Variants in MED31 observed in about 807,000 individuals in gnomAD.
The protein encoded by MED31 is mediator complex subunit 31.
A neutral mutation model predicts 22.0 loss-of-function variants in MED31; 11 were observed. That is an observed-to-expected ratio of 0.50 (90% CI 0.31 to 0.83). The LOEUF (loss-of-function observed/expected upper bound fraction) is 0.83, where lower values mean the gene tolerates loss of function less well. MED31 is among the 40% of genes least tolerant of loss of function. The pLI is 0.04. For missense variants in MED31, 122 were observed against 155.3 expected (o/e 0.79, Z 1.14); for synonymous variants, 60 against 55.1 (o/e 1.09, Z -0.40).
chr17:6,646,024 A>T (rs1295933746), intron 3 of MED31, among the ~76,000 whole-genome samples: 1 of 152,232 alleles, frequency 6.6e-6, no homozygotes, highest in Admixed American at 6.5e-5. Context: ...GTGACTGCAG[A>T]TATATGAAGG....
intron 3 of MED31, among the ~76,000 whole-genome samples, chr17:6,648,171 A>G (rs988188208): frequency 4.6e-5 from 7 of 152,216 alleles, no homozygotes; most frequent in African/African-American, 1.7e-4. Context: ...GAGGTGTATG[A>G]CCACATGAAG....
chr17:6,645,340 CACAT>C (rs760609766), intron 3 of MED31, among the ~76,000 whole-genome samples: 4 of 152,152 alleles, frequency 2.6e-5, no homozygotes, highest in Non-Finnish European at 5.9e-5. Context: ...TGCATGTATA[CACAT>C]ACATACATAT....
intron 3 of MED31, among the ~76,000 whole-genome samples, chr17:6,649,140 T>C (rs1314793497): frequency 6.6e-6 from 1 of 151,888 alleles, no homozygotes; most frequent in African/African-American, 2.4e-5. Context: ...TTTTTTTTTT[T>C]TAAAGGTTCA....
Position 6,650,017 on chromosome 17 carries a change from A to T in MED31, c.168T>A (p.Leu56=). 1 of 1,605,404 alleles carries T rather than the reference A, an allele frequency of 6.2e-7. No homozygotes were observed. Among genetic ancestry groups the T allele is most frequent in the Non-Finnish European group, 8.5e-7 (1 of 1,177,958 alleles). The change falls in exon 3 of 4, where the codon CTT becomes CTA. Residue 56 remains leucine (L), a synonymous_variant. Coordinates refer to ENST00000225728, the MANE Select transcript of MED31 (RefSeq NM_016060.3). ...TGGCATATTCTGGGTCTTTCCAGTA[A>T]AGCAAGTATTTAAGATAATTAACAA... ...KAFVNYLKYL[L]YWKDPEYAKY...
intron 3 of MED31, among the ~76,000 whole-genome samples, chr17:6,647,321 C>T (rs922785601): frequency 3.9e-5 from 6 of 152,192 alleles, no homozygotes; most frequent in African/African-American, 1.4e-4. Flanking sequence ...CTCCACCTGA[C>T]GAGAAATACC....
chr17:6,648,981 G>T (rs1159190355), intron 3 of MED31, among the ~76,000 whole-genome samples: 1 of 152,170 alleles, frequency 6.6e-6, no homozygotes, highest in South Asian at 2.1e-4. Flanking sequence ...TTAAAAGTCT[G>T]TTCTTTGGAT....
At chr17:6,650,861 G>A (rs758901065) in intron 1 of MED31, among the ~76,000 whole-genome samples, 2 of 152,108 alleles carry the variant, frequency 1.3e-5, no homozygotes, top group Admixed American at 6.5e-5. Flanking sequence ...AGACTGCGGA[G>A]AGCCTAAAAG....
rs1300089042 is a variant in MED31, at chr17:6,644,146, T to C, written c.*321A>G. 9.4e-6 allele frequency: 4 copies of C among 426,550 alleles called. No homozygotes were observed. In the Admixed American group the frequency reaches 1.6e-4, roughly 17 times the overall value. 26.4% of individuals were successfully genotyped at this position (426,550 alleles called of 1,614,324 possible). On this transcript the variant is annotated 3_prime_UTR_variant, in exon 4 of 4. Coordinates refer to ENST00000225728, the MANE Select transcript of MED31 (RefSeq NM_016060.3). ...GAACAGCTAGCCTTAGAATTCAGTA[T>C]ACTTGGTGGCCCACCCCTACCCCAT...
intron 3 of MED31, among the ~76,000 whole-genome samples, chr17:6,647,015 A>T (rs12941104): frequency 6.6e-6 from 1 of 152,194 alleles, no homozygotes; most frequent in Non-Finnish European, 1.5e-5. Context: ...TGCTAGTTAG[A>T]TATTTGTGTA....
intron 3 of MED31, among the ~76,000 whole-genome samples, chr17:6,648,039 C>A (rs1972785970): frequency 6.6e-6 from 1 of 152,204 alleles, no homozygotes; most frequent in African/African-American, 2.4e-5. Flanking sequence ...GAGAACCCAA[C>A]AGCATGATGA....
rs369366135 is a variant in MED31 at position 6,649,060 on chromosome 17, G to A, written c.203+922C>T. ...AGGCAACATAAGACGTATGTGCTTC[G>A]TGAGTCAATTGTTATTGGACACAGA... On this transcript the variant is annotated intron_variant, in intron 3 of 3. Coordinates refer to ENST00000225728, the MANE Select transcript of MED31 (RefSeq NM_016060.3). Among the ~76,000 whole-genome samples the A allele has an allele frequency of 4.6e-5, 7 of 151,902 alleles. No homozygotes were observed. The East Asian group carries it at 5.8e-4, about 13-fold the overall frequency.
In MED31 at chr17:6,650,019, G is replaced by C; in HGVS notation, c.166C>G (p.Leu56Val). The C allele has an allele frequency of 6.2e-7, 1 of 1,604,700 alleles. No individual in the cohort carries two copies. The highest frequency in any genetic ancestry group is 8.5e-7 in the Non-Finnish European group (1 of 1,177,778). ...GCATATTCTGGGTCTTTCCAGTAAA[G>C]CAAGTATTTAAGATAATTAACAAAA... is the stretch of plus-strand genomic sequence containing the variant. ...KAFVNYLKYL[L>V]YWKDPEYAKY... The change falls in exon 3 of 4, where the codon CTT becomes GTT. Residue 56 changes from leucine to valine, a missense_variant. Transcript: ENST00000225728.
Position 6,651,575 on chromosome 17 carries a change from C to G in MED31, c.-47G>C, listed in dbSNP as rs1259987355. On this transcript the variant is annotated 5_prime_UTR_variant, in exon 1 of 4. Transcript: ENST00000225728. The stretch of plus-strand genomic sequence containing the variant: ...GCCACCAGCCTGACAGAGCAAAAGC[C>G]CAGAGACGCGGGCGAAGTTCCGGAA... 5.0e-6 allele frequency: 8 copies of G among 1,613,014 alleles called. No homozygotes were observed. Among genetic ancestry groups the G allele is most frequent in the Non-Finnish European group, 5.9e-6 (7 of 1,179,500 alleles).
intron 3 of MED31, among the ~76,000 whole-genome samples, chr17:6,649,335 A>G (rs1202739171): frequency 6.6e-6 from 1 of 151,762 alleles, no homozygotes; most frequent in Non-Finnish European, 1.5e-5. Context: ...AATGGTAAAT[A>G]TATATATATA....
At chr17:6,647,552 A>G (rs542051901) in intron 3 of MED31, among the ~76,000 whole-genome samples, 1 of 152,226 alleles carries the variant, frequency 6.6e-6, no homozygotes, top group African/African-American at 2.4e-5. Flanking sequence ...AATGAAACCA[A>G]TGCTACTGAT....
chr17:6,651,393 C>A, intron 1 of MED31, 108 bp downstream of exon 1: 1 of 1,428,818 alleles, frequency 7.0e-7, no homozygotes, highest in Non-Finnish European at 9.6e-7. Flanking sequence ...CCTCTCTGTC[C>A]AAATATTAAC....
chr17:6,650,351 CTTACAATTAAGGTAA>C lies in MED31; in HGVS notation c.96_106+4del. The C allele has an allele frequency of 6.2e-7, 1 of 1,612,736 alleles. No homozygotes were observed. The highest frequency in any genetic ancestry group is 8.5e-7 in the Non-Finnish European group (1 of 1,179,370). ...CTCAATTTAATGAGGTGCTTAACAA[CTTACAATTAAGGTAA>C]TTTGGGTTGGCTAAACATTGCACAA... On this transcript the variant is annotated splice_donor_variant and splice_donor_region_variant and coding_sequence_variant and intron_variant, in exon 2 of 4. Coordinates refer to ENST00000225728, the MANE Select transcript of MED31 (RefSeq NM_016060.3). LOFTEE classifies it high-confidence loss of function.
chr17:6,644,273 G>A lies in MED31; in HGVS notation c.*194C>T. The A allele has an allele frequency of 1.7e-6, 1 of 592,248 alleles. No homozygotes were observed. The highest frequency in any genetic ancestry group is 2.6e-6 in the Non-Finnish European group (1 of 378,128). 36.7% of individuals were successfully genotyped at this position (592,248 alleles called of 1,614,324 possible). ...AGAAAAACACCTTACAAATCCACAG[G>A]GAAATCAAAGAACAATTCAGGTTTA... On this transcript the variant is annotated 3_prime_UTR_variant, in exon 4 of 4. Transcript: ENST00000225728.
rs2150947229 is a variant in MED31, at chr17:6,644,138, A to G, written c.*329T>C. On this transcript the variant is annotated 3_prime_UTR_variant, in exon 4 of 4. Transcript: ENST00000225728. ...TATGTCAGGAACAGCTAGCCTTAGA[A>G]TTCAGTATACTTGGTGGCCCACCCC... 1 of 423,378 alleles carries G rather than the reference A, an allele frequency of 2.4e-6. No homozygotes were observed. The highest frequency in any genetic ancestry group is 3.4e-5 in the East Asian group (1 of 29,040). 26.2% of individuals were successfully genotyped at this position (423,378 alleles called of 1,614,324 possible). A position where few individuals can be genotyped will look rare whatever the true frequency, so the allele number is the denominator to read the frequency against.
Sources: allele counts gnomAD v4.1 joint callset (sites outside exome capture counted in the v4.1 genomes callset), GRCh38; gene constraint gnomAD v4.1.1; transcripts MANE v1.5; gene names NCBI Gene and HGNC (gene_info 2026-07-23, HGNC 2026-07-21).